Variants in ZNF839 observed in about 807,000 individuals in gnomAD.
ZNF839 encodes zinc finger protein 839, also known as renal carcinoma antigen NY-REN-50.
In ZNF839, 38 loss-of-function variants were observed where a neutral mutation model predicts 56.4. That is an observed-to-expected ratio of 0.67 (90% CI 0.52 to 0.88). ZNF839 has a LOEUF of 0.88. ZNF839 is among the 40% of genes least tolerant of loss of function. The pLI is 0.00. For synonymous variants in ZNF839, 486 were observed against 493.5 expected, an observed-to-expected ratio of 0.98 and a Z score of 0.20; for missense variants, 1,091 against 1,177.6, an observed-to-expected ratio of 0.93 and a Z score of 1.08.
intron 1 of ZNF839, among the ~76,000 whole-genome samples, chr14:102,325,299 A>ACTG (rs2073350939): frequency 6.7e-6 from 1 of 150,086 alleles, no homozygotes; most frequent in Non-Finnish European, 1.5e-5. Flanking sequence ...AGATCGCACC[A>ACTG]CTGCACTCTA....
At chr14:102,338,795 T>G in intron 5 of ZNF839, 21 bp from the exon 6 acceptor site, 1 of 1,613,834 alleles carries the variant, frequency 6.2e-7, no homozygotes, top group African/African-American at 1.3e-5. Flanking sequence ...AAGTTTATTC[T>G]CTTGGCCCAT....
In ZNF839 at chr14:102,341,511, T is replaced by TA; in HGVS notation, c.2117dup (p.Tyr706Ter). Residue 706 changes from tyrosine to a stop codon, truncating the protein, a stop_gained and frameshift_variant, in exon 8 of 8, where the codon TAT (tyrosine) becomes TAAT (stop). Transcript: ENST00000442396. LOFTEE classifies it low-confidence loss of function (END_TRUNC). ...CCGGGATGTCAGTGGGCTGCCTGTTTATGCTCAGTCAGGAGAGCCTAGGAG... is the reference window on the plus strand; with the variant it reads ...CCGGGATGTCAGTGGGCTGCCTGTTTAATGCTCAGTCAGGAGAGCCTAGGAG... ...SSRDVSGLPV[Y>*]AQSGEPRRLT... 6.2e-7 allele frequency: 1 copy of TA among 1,603,562 alleles called. No homozygotes were observed. The highest frequency in any genetic ancestry group is 8.5e-7 in the Non-Finnish European group (1 of 1,173,776).
chr14:102,342,007 C>T lies in ZNF839; in HGVS notation c.2612C>T (p.Ala871Val), dbSNP rs1041435011. ...GTGGTTGCTGTCGGCGAAGCCATGG[C>T]TTTTGAAATTTCCAATGGGAGCCAT... ...ESVVAVGEAM[A>V]FEISNGSHEL... The change falls in exon 8 of 8, where the codon GCT becomes GTT. Residue 871 changes from alanine (A) to valine (V), a missense_variant. Ala to Val is a moderately conservative substitution (Grantham distance 64). Transcript: ENST00000442396. 1.4e-5 allele frequency: 23 copies of T among 1,613,994 alleles called. No individual in the cohort carries two copies. Among genetic ancestry groups the T allele is most frequent in the Non-Finnish European group, 1.9e-5 (22 of 1,179,864 alleles).
At chr14:102,322,919 C>T (rs542097820) in intron 1 of ZNF839, among the ~76,000 whole-genome samples, 15 of 152,212 alleles carry the variant, frequency 9.9e-5, no homozygotes, top group Non-Finnish European at 2.1e-4. Flanking sequence ...ATTTGTTTCA[C>T]AAGTAGCCCA....
At chr14:102,321,838 G>A (rs2073143196) in intron 1 of ZNF839, among the ~76,000 whole-genome samples, 1 of 152,134 alleles carries the variant, frequency 6.6e-6, no homozygotes, top group Admixed American at 6.6e-5. Context: ...ATGCAGAAGG[G>A]GAGAGGCAGG....
intron 7 of ZNF839, 43 bp from the exon 8 acceptor site, chr14:102,341,280 G>A: frequency 2.7e-6 from 4 of 1,495,936 alleles, no homozygotes; most frequent in Non-Finnish European, 2.7e-6. Context: ...AGTGGGCCAT[G>A]ACACAGTACA....
intron 2 of ZNF839, among the ~76,000 whole-genome samples, chr14:102,328,050 T>A (rs2073513420): frequency 6.6e-6 from 1 of 151,812 alleles, no homozygotes; most frequent in Non-Finnish European, 1.5e-5. Context: ...CATCAAAAAA[T>A]TTTTTTCTAA....
chr14:102,338,923 G>A lies in ZNF839; in HGVS notation c.1767G>A (p.Glu589=), dbSNP rs201431440. ...GAGACATGGATGGGGAGCAGCTAGA[G>A]GGAGCTAGCAGCGAGAAGAGGGAAC... ...LSRDMDGEQL[E]GASSEKRERE... The change falls in exon 6 of 8, where the codon GAG becomes GAA. Residue 589 remains glutamate (E), a synonymous_variant. Coordinates refer to ENST00000442396, the MANE Select transcript of ZNF839 (RefSeq NM_018335.6). 1 of 1,613,890 alleles carries A rather than the reference G, an allele frequency of 6.2e-7. No individual in the cohort carries two copies. The highest frequency in any genetic ancestry group is 8.5e-7 in the Non-Finnish European group (1 of 1,179,902).
chr14:102,335,952 G>T (rs1384041506), intron 5 of ZNF839, 114 bp downstream of exon 5: 35 of 1,239,066 alleles, frequency 2.8e-5, no homozygotes, highest in Non-Finnish European at 4.5e-6. Flanking sequence ...ACTGAGGCAG[G>T]TGGATCACTT....
Position 102,326,451 on chromosome 14 carries a change from G to C in ZNF839, c.755G>C (p.Arg252Pro). The C allele has an allele frequency of 1.2e-6, 2 of 1,613,934 alleles. No homozygotes were observed. The highest frequency in any genetic ancestry group is 2.2e-5 in the South Asian group (2 of 91,074). Residue 252 changes from arginine to proline, a missense_variant, in exon 2 of 8, where the codon CGG (arginine) becomes CCG (proline). Coordinates refer to ENST00000442396, the MANE Select transcript of ZNF839 (RefSeq NM_018335.6). The surrounding 1 kb of genome is among the most constrained non-coding windows in gnomAD (Gnocchi z 4.3). The stretch of plus-strand genomic sequence containing the variant: ...TTAAAAGTAAAGACACGTTCTGGAC[G>C]GGTATCTCGACCTCCCAAATATAAA... Reference protein sequence around the residue: ...KSLKVKTRSGRVSRPPKYKAK... With the variant: ...KSLKVKTRSGPVSRPPKYKAK...
At chr14:102,331,574 T>A in intron 2 of ZNF839, 48 bp from the exon 3 acceptor site, 1 of 1,528,270 alleles carries the variant, frequency 6.5e-7, no homozygotes. Flanking sequence ...ATGGGGTATA[T>A]AAAGCATGAT....
At chr14:102,323,178 G>A (rs2073224089) in intron 1 of ZNF839, among the ~76,000 whole-genome samples, 2 of 150,346 alleles carry the variant, frequency 1.3e-5, no homozygotes, top group South Asian at 2.1e-4. Context: ...TCTCAACCGA[G>A]GGCAGTTTTG....
Position 102,326,800 on chromosome 14 carries a change from C to G in ZNF839, c.1104C>G (p.Thr368=). Residue 368 remains threonine (T), a synonymous_variant, in exon 2 of 8, where the codon ACC becomes ACG. Coordinates refer to ENST00000442396, the MANE Select transcript of ZNF839 (RefSeq NM_018335.6). This position sits in a 1 kb window ranked among gnomAD's most constrained non-coding sequence, Gnocchi z 4.3. The part of the protein sequence containing the change: ...GCTEERTLSL[T]SLGLSMPADP... The stretch of plus-strand genomic sequence containing the variant: ...CGGAGGAAAGGACGCTCAGCCTGAC[C>G]TCCCTGGGGCTGTCCATGCCAGCGG... The G allele has an allele frequency of 1.2e-6, 2 of 1,611,970 alleles. No homozygotes were observed. Among genetic ancestry groups the G allele is most frequent in the Non-Finnish European group, 1.7e-6 (2 of 1,179,122 alleles).
intron 2 of ZNF839, among the ~76,000 whole-genome samples, chr14:102,327,348 C>G (rs951804887): frequency 6.6e-6 from 1 of 151,796 alleles, no homozygotes; most frequent in Non-Finnish European, 1.5e-5. Context: ...ACCATGTTGG[C>G]CAGGCTGGTC....
chr14:102,336,488 T>C (rs939621821), intron 5 of ZNF839: 1 of 288,280 alleles, frequency 3.5e-6, no homozygotes, highest in Non-Finnish European at 6.8e-6. Flanking sequence ...AGAGACAGGG[T>C]TTCACCGTGT....
At position 102,326,012 on chromosome 14, in the gene ZNF839, A is replaced by G; in HGVS notation, c.316A>G (p.Thr106Ala). 6.2e-7 allele frequency: 1 copy of G among 1,613,060 alleles called. No individual in the cohort carries two copies. The highest frequency in any genetic ancestry group is 8.5e-7 in the Non-Finnish European group (1 of 1,179,514). The change falls in exon 2 of 8, where the codon ACG becomes GCG. Residue 106 changes from threonine (T) to alanine (A), a missense_variant. Thr to Ala is a moderately conservative substitution (Grantham distance 58). Coordinates refer to ENST00000442396, the MANE Select transcript of ZNF839 (RefSeq NM_018335.6). This position sits in a 1 kb window ranked among gnomAD's most constrained non-coding sequence, Gnocchi z 4.3. ...QQLEAICVKVTSGETKGQERP... is the reference protein window; with the variant it reads ...QQLEAICVKVASGETKGQERP... ...ACTAGAAGCCATTTGTGTCAAGGTAACGTCTGGAGAAACAAAAGGTCAGGA... is the reference window on the plus strand; with the variant it reads ...ACTAGAAGCCATTTGTGTCAAGGTAGCGTCTGGAGAAACAAAAGGTCAGGA...
chr14:102,329,583 C>T (rs2073664213), intron 2 of ZNF839, among the ~76,000 whole-genome samples: 1 of 151,740 alleles, frequency 6.6e-6, no homozygotes, highest in Admixed American at 6.6e-5. Flanking sequence ...CGGGGTTTCG[C>T]CATATTCGCC....
At chr14:102,339,983 T>C (rs1886323735) in intron 7 of ZNF839, among the ~76,000 whole-genome samples, 1 of 151,950 alleles carries the variant, frequency 6.6e-6, no homozygotes, top group African/African-American at 2.4e-5. Flanking sequence ...ATATAAATTT[T>C]TTTTTTGAGA....
At chr14:102,329,910 C>T (rs1194150804) in intron 2 of ZNF839, among the ~76,000 whole-genome samples, 1 of 150,718 alleles carries the variant, frequency 6.6e-6, no homozygotes, top group East Asian at 1.9e-4. Flanking sequence ...TCTCCTGCCT[C>T]AGCCTCCCGA....
Sources: allele counts gnomAD v4.1 joint callset (sites outside exome capture counted in the v4.1 genomes callset), GRCh38; gene constraint gnomAD v4.1.1; non-coding constraint Gnocchi (gnomAD v3.1); transcripts MANE v1.5; gene names NCBI Gene and HGNC (gene_info 2026-07-23, HGNC 2026-07-21).